Variants in ZNF708 observed in about 807,000 individuals in gnomAD.
ZNF708 encodes zinc finger protein 708.
A neutral mutation model predicts 47.0 loss-of-function variants in ZNF708; 44 were observed. The ratio of observed to expected loss-of-function variants is 0.94; its 90% CI spans 0.74 to 1.20. The LOEUF (loss-of-function observed/expected upper bound fraction) is 1.20. Ranked by LOEUF, ZNF708 falls within the 50% of genes most tolerant of loss-of-function variation. The pLI is 0.00. For synonymous variants in ZNF708, 184 were observed against 218.5 expected, an observed-to-expected ratio of 0.84 and a Z score of 1.39; for missense variants, 557 against 656.0, an observed-to-expected ratio of 0.85 and a Z score of 1.65.
intron 3 of ZNF708, chr19:21,307,013 A>ATAACATAAC (rs1972783666): frequency 1.5e-5 from 2 of 134,288 alleles, no homozygotes; most frequent in African/African-American, 5.7e-5. Flanking sequence ...CATAACATAA[A>ATAACATAAC]ACATAACATA....
At chr19:21,305,933 G>A (rs1972755652) in intron 3 of ZNF708, among the ~76,000 whole-genome samples, 1 of 152,102 alleles carries the variant, frequency 6.6e-6, no homozygotes, top group African/African-American at 2.4e-5. Flanking sequence ...GAACTCTTCT[G>A]TATAAGATAA....
rs779497843 is a variant in ZNF708 at position 21,294,191 on chromosome 19, T to C, written c.775A>G (p.Lys259Glu). ...EKLYKCEECG[K>E]AFNRSSNLTK... is the part of the protein sequence containing the mutation. ...AGGTTTGAGGACCGGTTAAAAGCTT[T>C]GCCACATTCTTCACATTTGTAGAGT... is the stretch of plus-strand genomic sequence containing the variant. Residue 259 changes from lysine (K) to glutamate (E), a missense_variant, in exon 4 of 4, where the codon AAA (lysine) becomes GAA (glutamate). Coordinates refer to ENST00000356929, the MANE Select transcript of ZNF708 (RefSeq NM_021269.3). The C allele has an allele frequency of 1.2e-6, 2 of 1,613,048 alleles. No homozygotes were observed. Among genetic ancestry groups the C allele is most frequent in the Non-Finnish European group, 1.7e-6 (2 of 1,179,924 alleles).
rs1010320627 is a variant in ZNF708, at chr19:21,291,958, T to C, written c.*1316A>G. 3 of 152,160 alleles carry C rather than the reference T, an allele frequency of 2.0e-5. No individual in the cohort carries two copies. Among genetic ancestry groups the C allele is most frequent in the African/African-American group, 7.2e-5 (3 of 41,452 alleles). The allele number at this position is 152,160 out of a possible 1,614,324, so 9.4% of individuals were successfully genotyped here. ...CCTTTTAAAGTTATGTACAAATAAA[T>C]TTATCTACCGTTAGTTTGGGATCAT... On this transcript the variant is annotated 3_prime_UTR_variant, in exon 4 of 4. Transcript: ENST00000356929.
At chr19:21,318,413 G>A (rs1446025111) in intron 1 of ZNF708, 1 of 152,030 alleles carries the variant, frequency 6.6e-6, no homozygotes, top group Non-Finnish European at 1.5e-5. Flanking sequence ...AACAGCTCTT[G>A]GTCTGATTCT....
rs756788803 is a variant in ZNF708 at position 21,294,452 on chromosome 19, C to T, written c.514G>A (p.Glu172Lys). ...AGCATGCAAAATGATTTGCCACATTCTTTACATTTGAAAGGATTTTTTCCA... is the reference window on the plus strand; with the variant it reads ...AGCATGCAAAATGATTTGCCACATTTTTTACATTTGAAAGGATTTTTTCCA... ...HTGKNPFKCK[E>K]CGKSFCMLSQ... Residue 172 changes from glutamate to lysine, a missense_variant, in exon 4 of 4, where the codon GAA (glutamate) becomes AAA (lysine). Glu to Lys is a moderately conservative substitution (Grantham distance 56). Transcript: ENST00000356929. 6.2e-7 allele frequency: 1 copy of T among 1,614,130 alleles called. No individual in the cohort carries two copies. Among genetic ancestry groups the T allele is most frequent in the Non-Finnish European group, 8.5e-7 (1 of 1,179,984 alleles).
At chr19:21,315,757 G>T (rs1972988230) in intron 1 of ZNF708, among the ~76,000 whole-genome samples, 1 of 150,960 alleles carries the variant, frequency 6.6e-6, no homozygotes, top group South Asian at 2.1e-4. Flanking sequence ...TAGGCTATAG[G>T]GTGTGGGTTA....
At chr19:21,318,253 T>G (rs979577206) in intron 1 of ZNF708, 2 of 152,206 alleles carry the variant, frequency 1.3e-5, no homozygotes, top group Non-Finnish European at 2.9e-5. Context: ...TTTCAATTTA[T>G]TATGGTGACT....
chr19:21,306,563 A>C (rs1972767786), intron 3 of ZNF708, among the ~76,000 whole-genome samples: 1 of 152,222 alleles, frequency 6.6e-6, no homozygotes, highest in South Asian at 2.1e-4. Flanking sequence ...AAATTTATGA[A>C]AAACACCAAA....
Position 21,297,299 on chromosome 19 carries a change from T to TTTTTTC in ZNF708, c.227-2561_227-2560insGAAAAA, listed in dbSNP as rs760318274. Among the ~76,000 whole-genome samples the TTTTTTC allele has an allele frequency of 4.5e-5, 4 of 89,168 alleles. 1 individual carries two copies. Among genetic ancestry groups the TTTTTTC allele is most frequent in the Non-Finnish European group, 7.5e-5 (3 of 40,216 alleles). The allele number at this position is 89,168 out of a possible 152,430, so 58.5% of individuals were successfully genotyped here. A position where few individuals can be genotyped will look rare whatever the true frequency, so the allele number is the denominator to read the frequency against. ...TTTTTTTTTTTTTTTTTTTTTTTTT[T>TTTTTTC]CAGATGGAGTCTCACTCTGTCGCCC... On this transcript the variant is annotated intron_variant, in intron 3 of 3. Coordinates refer to ENST00000356929, the MANE Select transcript of ZNF708 (RefSeq NM_021269.3).
chr19:21,321,418 T>G (rs192486340), intron 1 of ZNF708, among the ~76,000 whole-genome samples: 1 of 151,894 alleles, frequency 6.6e-6, no homozygotes, highest in African/African-American at 2.4e-5. Context: ...TGAAACCCCA[T>G]CTCAACTAAA....
chr19:21,310,476 T>TA (rs34067558), intron 2 of ZNF708, 25 bp downstream of exon 2: 79,502 of 958,076 alleles, frequency 0.083, 5 homozygotes, highest in Non-Finnish European at 0.09. Flanking sequence ...TAATAAAAAT[T>TA]AAAAAAAAAA....
At chr19:21,301,117 T>C (rs1972651242) in intron 3 of ZNF708, among the ~76,000 whole-genome samples, 1 of 152,160 alleles carries the variant, frequency 6.6e-6, no homozygotes, top group Non-Finnish European at 1.5e-5. Context: ...TAGATTAATA[T>C]ATTCATGAAA....
rs200357549 is a variant in ZNF708, at chr19:21,309,243, T to C, written c.226+3A>G. 7.6e-5 allele frequency: 122 copies of C among 1,597,556 alleles called. No individual in the cohort carries two copies. The highest frequency in any genetic ancestry group is 9.2e-5 in the Non-Finnish European group (108 of 1,169,892). On this transcript the variant is annotated splice_donor_region_variant and intron_variant, in intron 3 of 3. Transcript: ENST00000356929. The stretch of plus-strand genomic sequence containing the variant: ...GTCATCTGTTGTGTTCACTCTCACC[T>C]ACCTGGGGGTTTGGCTGCCATCTCG...
rs144258419 is a variant in ZNF708, at chr19:21,303,164, A to G, written c.226+6082T>C. On this transcript the variant is annotated intron_variant, in intron 3 of 3. Coordinates refer to ENST00000356929, the MANE Select transcript of ZNF708 (RefSeq NM_021269.3). ...CTATTTGAGAGGCCGAAATGAGAGGATCATCAGAGTTTGGAAAGTTGAGGC... is the reference window on the plus strand; with the variant it reads ...CTATTTGAGAGGCCGAAATGAGAGGGTCATCAGAGTTTGGAAAGTTGAGGC... 1.9e-3 allele frequency among the ~76,000 whole-genome samples: 295 copies of G among 152,170 alleles called. 1 individual carries two copies. The highest frequency in any genetic ancestry group is 6.7e-3 in the African/African-American group (278 of 41,524).
At chr19:21,316,130 TTTC>T (rs1157802745) in intron 1 of ZNF708, among the ~76,000 whole-genome samples, 1 of 66,484 alleles carries the variant, frequency 1.5e-5, no homozygotes, top group Non-Finnish European at 2.9e-5. Flanking sequence ...TCTTTTCTTT[TTTC>T]TTTTTTTTTT....
intron 3 of ZNF708, among the ~76,000 whole-genome samples, chr19:21,294,969 G>A (rs1347422388): frequency 6.6e-6 from 1 of 151,908 alleles, no homozygotes; most frequent in Admixed American, 6.6e-5. Context: ...AATGCAAAGA[G>A]CCACATAGGA....
chr19:21,304,186 T>C (rs1972715408), intron 3 of ZNF708, among the ~76,000 whole-genome samples: 3 of 152,028 alleles, frequency 2.0e-5, no homozygotes, highest in South Asian at 2.1e-4. Flanking sequence ...CTTATAATCA[T>C]TGTGGAAGGC....
rs1430852266 is a variant in ZNF708 at position 21,292,922 on chromosome 19, T to G, written c.*352A>C. 5.0e-6 allele frequency: 1 copy of G among 198,588 alleles called. No homozygotes were observed. The highest frequency in any genetic ancestry group is 1.0e-5 in the Non-Finnish European group (1 of 96,308). The allele number at this position is 198,588 out of a possible 1,614,324, so 12.3% of individuals were successfully genotyped here. Reference sequence around the variant, plus strand: ...ACCTACAATCAAGTGTGACAATCATTTAAAGATTTTGTCACATTTTTCGCA... The same window carrying G: ...ACCTACAATCAAGTGTGACAATCATGTAAAGATTTTGTCACATTTTTCGCA... On this transcript the variant is annotated 3_prime_UTR_variant, in exon 4 of 4. Coordinates refer to ENST00000356929, the MANE Select transcript of ZNF708 (RefSeq NM_021269.3).
chr19:21,299,975 A>G (rs904600268), intron 3 of ZNF708, among the ~76,000 whole-genome samples: 3 of 152,118 alleles, frequency 2.0e-5, no homozygotes, highest in African/African-American at 7.2e-5. Flanking sequence ...TTAAACAACT[A>G]TTCACAACAC....
Sources: allele counts gnomAD v4.1 joint callset (sites outside exome capture counted in the v4.1 genomes callset), GRCh38; gene constraint gnomAD v4.1.1; transcripts MANE v1.5; gene names NCBI Gene and HGNC (gene_info 2026-07-23, HGNC 2026-07-21).